The following CD177 variants were observed in gnomAD, a reference collection of about 807,000 sequenced individuals.
The protein encoded by CD177 is CD177 molecule.
CD177 carries 41 observed loss-of-function variants against 38.1 expected under a neutral mutation model. That is an observed-to-expected ratio of 1.07 (90% CI 0.84 to 1.39). The LOEUF (loss-of-function observed/expected upper bound fraction) is 1.39. CD177 is among the 40% of genes most tolerant of loss of function. CD177 has a pLI of 0.00. For synonymous variants in CD177, 236 were observed against 216.7 expected, an observed-to-expected ratio of 1.09 and a Z score of -0.78; for missense variants, 619 against 523.8, an observed-to-expected ratio of 1.18 and a Z score of -1.77.
intron 2 of CD177, 105 bp downstream of exon 2, chr19:43,354,098 C>G (rs1448881601): frequency 6.4e-7 from 1 of 1,560,914 alleles, no homozygotes; most frequent in Non-Finnish European, 8.7e-7. Flanking sequence ...CTCCTAGGGT[C>G]CCGGTGATCC....
chr19:43,354,336 A>G lies in CD177; in HGVS notation c.323A>G (p.Asp108Gly). The G allele has an allele frequency of 6.2e-7, 1 of 1,613,812 alleles. No individual in the cohort carries two copies. Among genetic ancestry groups the G allele is most frequent in the Non-Finnish European group, 8.5e-7 (1 of 1,179,854 alleles). The change falls in exon 3 of 9, where the codon GAC becomes GGC. Residue 108 changes from aspartate to glycine, a missense_variant. By Grantham distance (94) the Asp-to-Gly change is moderately conservative (BLOSUM62 -1). Coordinates refer to ENST00000618265, the MANE Select transcript of CD177 (RefSeq NM_020406.4). The part of the protein sequence containing the change: ...ISYTFVCRQE[D>G]FCNNLVNSLP... The stretch of plus-strand genomic sequence containing the variant: ...TACACCTTCGTGTGCCGCCAGGAGG[A>G]CTTCTGCAACAACCTCGTTAACTCC...
chr19:43,363,972 C>A (rs2076248366), downstream of CD177, among the ~76,000 whole-genome samples: 1 of 151,794 alleles, frequency 6.6e-6, no homozygotes, highest in Admixed American at 6.6e-5. Context: ...CGCCCCCTCC[C>A]TCTACTGGTC....
At chr19:43,363,924 C>T (rs564131222), downstream of CD177, among the ~76,000 whole-genome samples, 8 of 151,950 alleles carry the variant, frequency 5.3e-5, no homozygotes, top group Non-Finnish European at 1.2e-4. Context: ...CGCTTCTCTA[C>T]AAAAAAATAC....
rs1220173522 is a variant in CD177, at chr19:43,362,243, C to T, written c.1237C>T (p.Leu413=). ...GCATGAGGGAGGTGGGGCTGAGGGCCTGGAGTCTCTCACTTGGGGGGTGGG... is the reference window on the plus strand; with the variant it reads ...GCATGAGGGAGGTGGGGCTGAGGGCTTGGAGTCTCTCACTTGGGGGGTGGG... ...SQHEGGGAEG[L]ESLTWGVGLA... is the part of the protein sequence containing the mutation. The change falls in exon 9 of 9, where the codon CTG becomes TTG. Residue 413 remains leucine, a synonymous_variant. Coordinates refer to ENST00000618265, the MANE Select transcript of CD177 (RefSeq NM_020406.4). 6.2e-7 allele frequency: 1 copy of T among 1,611,216 alleles called. No homozygotes were observed. The highest frequency in any genetic ancestry group is 8.5e-7 in the Non-Finnish European group (1 of 1,177,512).
Position 43,362,161 on chromosome 19 carries a change from A to G in CD177, c.1155A>G (p.Arg385=). The change falls in exon 9 of 9, where the codon AGA becomes AGG. Residue 385 remains arginine, a synonymous_variant. Transcript: ENST00000618265. The part of the protein sequence containing the change: ...QPSSFLLNHT[R]QIGIFSAREK... ...CCAGCTTCTTGTTGAACCACACCAG[A>G]CAAATCGGGATCTTCTCTGCGCGTG... The G allele has an allele frequency of 6.2e-7, 1 of 1,613,438 alleles. No individual in the cohort carries two copies.
In CD177 at chr19:43,354,571, C is replaced by T. The variant is rs548573901; in HGVS notation, c.379+179C>T. The T allele has an allele frequency of 5.6e-4, 366 of 658,750 alleles. 1 individual carries two copies. Among genetic ancestry groups the T allele is most frequent in the Middle Eastern group, 3.3e-3 (8 of 2,404 alleles). 40.8% of individuals were successfully genotyped at this position (658,750 alleles called of 1,614,324 possible). A position where few individuals can be genotyped will look rare whatever the true frequency, so the allele number is the denominator to read the frequency against. ...CGCCCCGCTCCCTTTCCATCCCTCC[C>T]CACTCACTCCCGATCCCTCCCACCG... is the stretch of plus-strand genomic sequence containing the variant. On this transcript the variant is annotated intron_variant, in intron 3 of 8. Transcript: ENST00000618265.
Position 43,354,352 on chromosome 19 carries a change from CG to C in CD177, c.340del (p.Val114LeufsTer18). Reference sequence around the variant, plus strand: ...GCCAGGAGGACTTCTGCAACAACCTCGTTAACTCCCTCCCGCTTTGGGCCCC... The same window carrying C: ...GCCAGGAGGACTTCTGCAACAACCTCTTAACTCCCTCCCGCTTTGGGCCCC... ...CRQEDFCNNLVNSLPLWAPQP... is the reference protein window; with the variant it reads ...CRQEDFCNNLXNSLPLWAPQP... On this transcript the variant is annotated frameshift_variant, in exon 3 of 9. Coordinates refer to ENST00000618265, the MANE Select transcript of CD177 (RefSeq NM_020406.4). LOFTEE classifies it high-confidence loss of function. 6.2e-7 allele frequency: 1 copy of C among 1,613,934 alleles called. No individual in the cohort carries two copies. Among genetic ancestry groups the C allele is most frequent in the Non-Finnish European group, 8.5e-7 (1 of 1,179,874 alleles).
chr19:43,362,001 G>A, intron 8 of CD177, 87 bp from the exon 9 acceptor site: 1 of 1,141,688 alleles, frequency 8.8e-7, no homozygotes. Context: ...CGGTCTGAGG[G>A]AGGAGGGTCT....
In CD177 at chr19:43,362,572, C is replaced by T; in HGVS notation, c.*252C>T. 1.4e-5 allele frequency: 5 copies of T among 350,686 alleles called. No homozygotes were observed. The highest frequency in any genetic ancestry group is 2.6e-5 in the Non-Finnish European group (5 of 194,944). 21.7% of individuals were successfully genotyped at this position (350,686 alleles called of 1,614,324 possible). A position where few individuals can be genotyped will look rare whatever the true frequency, so the allele number is the denominator to read the frequency against. ...TGTATCTGATAATACAGACCCTGTC[C>T]TTTCTCCCAGTGCTGGGATTTCTCC... On this transcript the variant is annotated 3_prime_UTR_variant, in exon 9 of 9. Coordinates refer to ENST00000618265, the MANE Select transcript of CD177 (RefSeq NM_020406.4).
chr19:43,354,420 G>T (rs1969892917), intron 3 of CD177, 28 bp downstream of exon 3: 1 of 1,611,590 alleles, frequency 6.2e-7, no homozygotes, highest in Non-Finnish European at 8.5e-7. Flanking sequence ...GGGAGGAGAG[G>T]GAGGGGCTGC....
intron 1 of CD177, 22 bp downstream of exon 1, chr19:43,353,788 G>C: frequency 6.2e-7 from 1 of 1,613,940 alleles, no homozygotes; most frequent in Non-Finnish European, 8.5e-7. Flanking sequence ...GCCCAGCCTG[G>C]AGGAGATTCC....
At position 43,355,790 on chromosome 19, in the gene CD177, C is replaced by G. The variant is rs768025947; in HGVS notation, c.502+7C>G. On this transcript the variant is annotated splice_region_variant and intron_variant, in intron 4 of 8. Coordinates refer to ENST00000618265, the MANE Select transcript of CD177 (RefSeq NM_020406.4). ...CTCCTCAGGCTCAGGGGAGGTAAGC[C>G]TGGGACATCGGGGTCCCTGTGGGGA... The G allele has an allele frequency of 2.1e-5, 34 of 1,612,990 alleles. 1 individual carries two copies. The South Asian group carries it at 3.7e-4, about 18-fold the overall frequency.
intron 3 of CD177, 116 bp downstream of exon 3, chr19:43,354,508 G>A: frequency 9.5e-7 from 1 of 1,055,454 alleles, no homozygotes; most frequent in Non-Finnish European, 1.4e-6. Flanking sequence ...ACCCTCGCTG[G>A]CTCCATCCCT....
At position 43,354,200 on chromosome 19, in the gene CD177, G is replaced by A. The variant is rs1425137831; in HGVS notation, c.194-7G>A. 3 of 1,610,254 alleles carry A rather than the reference G, an allele frequency of 1.9e-6. No individual in the cohort carries two copies. Among genetic ancestry groups the A allele is most frequent in the Admixed American group, 1.7e-5 (1 of 59,402 alleles). ...CCATCCTCGCTTGCCTCCCTCTTTC[G>A]GTCCAGGACCCCAAGTGAGCCTGGT... On this transcript the variant is annotated splice_polypyrimidine_tract_variant and splice_region_variant and intron_variant, in intron 2 of 8. Transcript: ENST00000618265.
Position 43,354,221 on chromosome 19 carries a change from C to A in CD177, c.208C>A (p.Leu70Met), listed in dbSNP as rs1969886086. The change falls in exon 3 of 9, where the codon CTG becomes ATG. Residue 70 changes from leucine to methionine, a missense_variant. By Grantham distance (15) the Leu-to-Met change is conservative (BLOSUM62 2). Transcript: ENST00000618265. ...TTTCGGTCCAGGACCCCAAGTGAGC[C>A]TGGTGCTCTCCAAGGGCTGCACGGA... The part of the protein sequence containing the change: ...MLIESGPQVS[L>M]VLSKGCTEAK... The A allele has an allele frequency of 6.2e-7, 1 of 1,613,174 alleles. No individual in the cohort carries two copies. The highest frequency in any genetic ancestry group is 1.7e-5 in the Admixed American group (1 of 59,914).
intron 3 of CD177, 25 bp downstream of exon 3, chr19:43,354,417 G>A (rs1324583649): frequency 1.2e-6 from 2 of 1,612,280 alleles, no homozygotes; most frequent in Non-Finnish European, 8.5e-7. Flanking sequence ...GTCGGGAGGA[G>A]AGGGAGGGGC....
Position 43,353,909 on chromosome 19 carries a change from G to C in CD177, c.109G>C (p.Asp37His), listed in dbSNP as rs375460393. ...GTVQHVWKVS[D>H]LPRQWTPKNT... ...AGTTCAGCATGTGTGGAAGGTGTCC[G>C]ACCTGCCCCGGCAATGGACCCCTAA... Residue 37 changes from aspartate to histidine, a missense_variant, in exon 2 of 9, where the codon GAC becomes CAC. Transcript: ENST00000618265. The C allele has an allele frequency of 5.0e-6, 8 of 1,613,746 alleles. No individual in the cohort carries two copies. Among genetic ancestry groups the C allele is most frequent in the Middle Eastern group, 1.6e-4 (1 of 6,084 alleles).
chr19:43,353,924 T>G lies in CD177; in HGVS notation c.124T>G (p.Trp42Gly). Residue 42 changes from tryptophan to glycine, a missense_variant, in exon 2 of 9, where the codon TGG (tryptophan) becomes GGG (glycine). Transcript: ENST00000618265. Reference sequence around the variant, plus strand: ...GAAGGTGTCCGACCTGCCCCGGCAATGGACCCCTAAGAACACCAGCTGCGA... The same window carrying G: ...GAAGGTGTCCGACCTGCCCCGGCAAGGGACCCCTAAGAACACCAGCTGCGA... The part of the protein sequence containing the change: ...VWKVSDLPRQ[W>G]TPKNTSCDSG... 6.2e-7 allele frequency: 1 copy of G among 1,613,822 alleles called. No homozygotes were observed. The highest frequency in any genetic ancestry group is 8.5e-7 in the Non-Finnish European group (1 of 1,179,838).
chr19:43,364,098 T>G (rs1043946035), downstream of CD177, among the ~76,000 whole-genome samples: 1 of 152,006 alleles, frequency 6.6e-6, no homozygotes, highest in Non-Finnish European at 1.5e-5. Context: ...GAAAAATAAA[T>G]CAGAGTCCTC....
Sources: allele counts gnomAD v4.1 joint callset (sites outside exome capture counted in the v4.1 genomes callset), GRCh38; gene constraint gnomAD v4.1.1; transcripts MANE v1.5; gene names NCBI Gene and HGNC (gene_info 2026-07-23, HGNC 2026-07-21).